MBD5: variants seen among roughly 807,000 people sequenced by gnomAD.
MBD5 encodes methyl-CpG-binding domain protein 5.
A neutral mutation model predicts 117.3 loss-of-function variants in MBD5; 13 were observed. The ratio of observed to expected loss-of-function variants is 0.11; its 90% CI spans 0.07 to 0.18. The LOEUF is 0.18. Ranked by LOEUF, MBD5 falls within the 10% of genes least tolerant of loss-of-function variation. The probability of loss-of-function intolerance (pLI) is 1.00; values close to 1 mark genes in which losing one functional copy is unlikely to be tolerated. For missense variants in MBD5, 1,879 were observed against 2,093.8 expected (o/e 0.90, Z 2.00); for synonymous variants, 727 against 766.4 (o/e 0.95, Z 0.85).
intron 3 of MBD5, among the ~76,000 whole-genome samples, chr2:148,325,032 T>G (rs1248954572): frequency 2.6e-5 from 4 of 152,076 alleles, no homozygotes; most frequent in Non-Finnish European, 5.9e-5. Context: ...TTGTTGAGAG[T>G]TTTTAGCATG....
intron 3 of MBD5, among the ~76,000 whole-genome samples, chr2:148,304,266 C>G (rs1467952182): frequency 6.6e-6 from 1 of 152,060 alleles, no homozygotes; most frequent in Non-Finnish European, 1.5e-5. Context: ...ATATTAACAT[C>G]AAGAAATAGG....
At chr2:148,399,685 A>G (rs1704854413) in intron 4 of MBD5, among the ~76,000 whole-genome samples, 1 of 152,046 alleles carries the variant, frequency 6.6e-6, no homozygotes, top group African/African-American at 2.4e-5. Context: ...AACTTCCAAC[A>G]CTATGTTGAA....
At chr2:148,173,560 G>T (rs1698314822) in intron 1 of MBD5, among the ~76,000 whole-genome samples, 1 of 152,136 alleles carries the variant, frequency 6.6e-6, no homozygotes, top group Non-Finnish European at 1.5e-5. Context: ...GCAAAACTCA[G>T]GCAAAGGCGC....
intron 3 of MBD5, among the ~76,000 whole-genome samples, chr2:148,314,806 C>A (rs910203432): frequency 6.6e-6 from 1 of 152,106 alleles, no homozygotes; most frequent in Non-Finnish European, 1.5e-5. Flanking sequence ...CATAGCATAA[C>A]TCTAAAGTTT....
intron 1 of MBD5, among the ~76,000 whole-genome samples, chr2:148,031,007 T>C (rs1573930614): frequency 6.6e-6 from 1 of 152,140 alleles, no homozygotes; most frequent in South Asian, 2.1e-4. Flanking sequence ...TGGAAAAATA[T>C]AGACTGGGCT....
intron 1 of MBD5, among the ~76,000 whole-genome samples, chr2:148,123,591 C>T (rs535605125): frequency 6.6e-6 from 1 of 152,258 alleles, no homozygotes; most frequent in African/African-American, 2.4e-5. Flanking sequence ...TGAATGTGTT[C>T]TTTGTATGTT....
At chr2:148,258,093 C>T (rs13427748) in intron 3 of MBD5, among the ~76,000 whole-genome samples, 1,820 of 152,210 alleles carry the variant, frequency 0.012, 17 homozygotes, top group Non-Finnish European at 0.018. Context: ...ATCTGGCAAG[C>T]AGTATTGATG....
At chr2:148,363,080 T>G (rs1376893185) in intron 4 of MBD5, among the ~76,000 whole-genome samples, 1 of 151,892 alleles carries the variant, frequency 6.6e-6, no homozygotes, top group Non-Finnish European at 1.5e-5. Context: ...ATGCCTCTTC[T>G]CCTCCAAGTG....
chr2:148,125,503 A>G (rs143072200), intron 1 of MBD5, among the ~76,000 whole-genome samples: 1 of 152,348 alleles, frequency 6.6e-6, no homozygotes, highest in Non-Finnish European at 1.5e-5. Flanking sequence ...CTAAAAGATA[A>G]ATATGATCAT....
chr2:148,385,250 C>G (rs1265594319), intron 4 of MBD5, among the ~76,000 whole-genome samples: 1 of 152,134 alleles, frequency 6.6e-6, no homozygotes, highest in Non-Finnish European at 1.5e-5. Flanking sequence ...CTACAATGAA[C>G]TCAAACAAAT....
intron 1 of MBD5, among the ~76,000 whole-genome samples, chr2:148,133,358 G>T (rs1013964462): frequency 2.4e-4 from 36 of 152,168 alleles, no homozygotes; most frequent in African/African-American, 8.0e-4. Flanking sequence ...ACCAAGCCAA[G>T]AAAGTTATTC....
intron 2 of MBD5, among the ~76,000 whole-genome samples, chr2:148,227,522 T>C (rs1319359087): frequency 6.6e-6 from 1 of 152,212 alleles, no homozygotes; most frequent in Non-Finnish European, 1.5e-5. Flanking sequence ...TGTGGGCTTG[T>C]AGTATAGTTT....
intron 1 of MBD5, among the ~76,000 whole-genome samples, chr2:148,155,795 A>G (rs1336901349): frequency 6.6e-6 from 1 of 152,252 alleles, no homozygotes; most frequent in Non-Finnish European, 1.5e-5. Context: ...ACTGGTTTAT[A>G]GAGACTGTTA....
chr2:148,239,482 A>G (rs1700163782), intron 3 of MBD5, among the ~76,000 whole-genome samples: 1 of 152,182 alleles, frequency 6.6e-6, no homozygotes, highest in Non-Finnish European at 1.5e-5. Flanking sequence ...TTATAGTTAT[A>G]TTTTGTAAAT....
intron 1 of MBD5, among the ~76,000 whole-genome samples, chr2:148,170,983 A>AT (rs1239258791): frequency 6.6e-6 from 1 of 152,240 alleles, no homozygotes; most frequent in African/African-American, 2.4e-5. Context: ...AGGAGATTGA[A>AT]TTAGTAATCA....
At chr2:148,038,622 A>G (rs1694265447) in intron 1 of MBD5, among the ~76,000 whole-genome samples, 1 of 151,686 alleles carries the variant, frequency 6.6e-6, no homozygotes, top group Non-Finnish European at 1.5e-5. Context: ...CCAGTTTGTA[A>G]TCTTCTTACT....
At chr2:148,497,055 CAT>C (rs567522914) in intron 11 of MBD5, among the ~76,000 whole-genome samples, 1 of 151,622 alleles carries the variant, frequency 6.6e-6, no homozygotes, top group Admixed American at 6.6e-5. Flanking sequence ...ATTTTAAAAA[CAT>C]ATATATTATT....
chr2:148,214,692 G>A (rs1183370916), intron 2 of MBD5, among the ~76,000 whole-genome samples: 1 of 152,138 alleles, frequency 6.6e-6, no homozygotes, highest in Non-Finnish European at 1.5e-5. Flanking sequence ...GTAGATTATG[G>A]AAGTAAATAA....
intron 2 of MBD5, among the ~76,000 whole-genome samples, chr2:148,188,778 T>C (rs943807864): frequency 6.6e-6 from 1 of 150,934 alleles, no homozygotes; most frequent in Non-Finnish European, 1.5e-5. Context: ...TAGGAACAGC[T>C]CCGGTCTACA....
Sources: gnomAD v4.1 joint callset for allele counts (sites outside exome capture counted in the v4.1 genomes callset) on GRCh38, gnomAD v4.1.1 for gene constraint, MANE v1.5 for transcripts, NCBI Gene and HGNC (gene_info 2026-07-23, HGNC 2026-07-21) for gene names.